The following NDE1 variants were observed in gnomAD, a reference collection of about 807,000 sequenced individuals.
NDE1 encodes the protein nudE neurodevelopment protein 1.
A neutral mutation model predicts 43.4 loss-of-function variants in NDE1; 28 were observed. That is an observed-to-expected ratio of 0.65 (90% CI 0.48 to 0.89). NDE1 has a LOEUF of 0.89. Ranked by LOEUF, NDE1 falls within the 40% of genes least tolerant of loss-of-function variation. The probability of loss-of-function intolerance (pLI) is 0.00; values close to 1 mark genes in which losing one functional copy is unlikely to be tolerated. For synonymous variants in NDE1, 184 were observed against 172.0 expected (o/e 1.07, Z -0.55); for missense variants, 441 against 434.1 (o/e 1.02, Z -0.14).
chr16:15,695,214 T>TTTTTTTTTTG (rs2038955251), intron 7 of NDE1, among the ~76,000 whole-genome samples: 1 of 147,346 alleles, frequency 6.8e-6, no homozygotes, highest in African/African-American at 2.5e-5. Flanking sequence ...TTTTTTTTTT[T>TTTTTTTTTTG]TTTTTTTTTT....
chr16:15,678,721 C>G (rs2038014034), intron 4 of NDE1, among the ~76,000 whole-genome samples: 1 of 152,192 alleles, frequency 6.6e-6, no homozygotes, highest in East Asian at 1.9e-4. Context: ...CTCAGCCAAG[C>G]AGTTTTTTTG....
chr16:15,724,511 G>A lies in NDE1; in HGVS notation c.*260G>A, dbSNP rs1250727072. ...AAGCGAAGACCATGTCTCCTCGTTGGAGAAACCCAATAGCAGGGGAAGCTG... is the reference window on the plus strand; with the variant it reads ...AAGCGAAGACCATGTCTCCTCGTTGAAGAAACCCAATAGCAGGGGAAGCTG... On this transcript the variant is annotated 3_prime_UTR_variant, in exon 9 of 9. Transcript: ENST00000396354. 6.2e-7 allele frequency: 1 copy of A among 1,607,728 alleles called. No homozygotes were observed. The highest frequency in any genetic ancestry group is 8.5e-7 in the Non-Finnish European group (1 of 1,177,632).
intron 1 of NDE1, among the ~76,000 whole-genome samples, chr16:15,653,915 A>T (rs746891524): frequency 4.0e-5 from 6 of 151,870 alleles, no homozygotes; most frequent in Non-Finnish European, 7.4e-5. Flanking sequence ...TTTTTGGTAG[A>T]GATGGGGTTT....
chr16:15,686,674 T>G (rs1359656110), intron 4 of NDE1: 2 of 403,248 alleles, frequency 5.0e-6, no homozygotes, highest in Admixed American at 1.3e-4. Context: ...CAAAAACCTG[T>G]GTCTTAAAAA....
In NDE1 at chr16:15,725,507, G is replaced by A. The variant is rs754900061; in HGVS notation, c.*1256G>A. ...AGACGCAGGCCCTAAAGGTAAAAACGTCCTCTCTGTATTCTCTGGCTTTTA... is the reference window on the plus strand; with the variant it reads ...AGACGCAGGCCCTAAAGGTAAAAACATCCTCTCTGTATTCTCTGGCTTTTA... On this transcript the variant is annotated 3_prime_UTR_variant, in exon 9 of 9. Coordinates refer to ENST00000396354, the MANE Select transcript of NDE1 (RefSeq NM_017668.3). The A allele has an allele frequency of 2.8e-5, 12 of 423,430 alleles. No homozygotes were observed. The Admixed American group carries it at 3.1e-4, about 11-fold the overall frequency. 26.2% of individuals were successfully genotyped at this position (423,430 alleles called of 1,614,324 possible). A position where few individuals can be genotyped will look rare whatever the true frequency, so the allele number is the denominator to read the frequency against.
At chr16:15,657,959 G>A (rs930277492) in intron 1 of NDE1, among the ~76,000 whole-genome samples, 5 of 152,178 alleles carry the variant, frequency 3.3e-5, no homozygotes, top group African/African-American at 1.2e-4. Flanking sequence ...CATTCATTAA[G>A]ATTCCTGCGT....
At chr16:15,723,819 A>G (rs573907018) in intron 8 of NDE1, among the ~76,000 whole-genome samples, 1 of 152,224 alleles carries the variant, frequency 6.6e-6, no homozygotes, top group Non-Finnish European at 1.5e-5. Context: ...ATTACTTGGA[A>G]TACTACTCAA....
chr16:15,712,895 T>G (rs1011591539), intron 8 of NDE1: 1 of 148,746 alleles, frequency 6.7e-6, no homozygotes, highest in Non-Finnish European at 1.5e-5. Flanking sequence ...TTTTTTTTTT[T>G]GAGACCGAGT....
chr16:15,689,591 T>A (rs2038625134), intron 5 of NDE1, among the ~76,000 whole-genome samples: 2 of 152,106 alleles, frequency 1.3e-5, no homozygotes, highest in Admixed American at 6.6e-5. Flanking sequence ...TAATAAAAAA[T>A]TTTCTTGTTT....
At chr16:15,687,596 T>G in intron 5 of NDE1, 85 bp downstream of exon 5, 3 of 1,300,508 alleles carry the variant, frequency 2.3e-6, no homozygotes, top group Non-Finnish European at 3.3e-6. Flanking sequence ...CCCAGCATTA[T>G]CTTTACAGGG....
intron 6 of NDE1, among the ~76,000 whole-genome samples, chr16:15,692,132 C>A (rs553034290): frequency 2.0e-5 from 3 of 152,084 alleles, no homozygotes; most frequent in Non-Finnish European, 4.4e-5. Flanking sequence ...AGGCCTTTTA[C>A]AGCAGATATT....
In NDE1 at chr16:15,724,320, C is replaced by T. The variant is rs1567699651; in HGVS notation, c.*69C>T. On this transcript the variant is annotated 3_prime_UTR_variant, in exon 9 of 9. Coordinates refer to ENST00000396354, the MANE Select transcript of NDE1 (RefSeq NM_017668.3). ...TCTCCTCGTACTGCTGGGTGAGGTT[C>T]TCGATCTCCTTCTGGAACCTCTTCT... is the stretch of plus-strand genomic sequence containing the variant. 7 of 1,614,174 alleles carry T rather than the reference C, an allele frequency of 4.3e-6. No homozygotes were observed. Among genetic ancestry groups the T allele is most frequent in the Non-Finnish European group, 5.9e-6 (7 of 1,180,042 alleles).
intron 4 of NDE1, among the ~76,000 whole-genome samples, chr16:15,678,331 A>C (rs537197847): frequency 6.6e-6 from 1 of 152,294 alleles, no homozygotes; most frequent in South Asian, 2.1e-4. Context: ...GCCTGTGCTA[A>C]GCCCCTAAGG....
Position 15,687,527 on chromosome 16 carries a change from T to A in NDE1, c.523+16T>A. Reference sequence around the variant, plus strand: ...GAAGCCAGAGGTCAGGAGGCCTTGGTGTCTTCACCAGCATGGTCCCCTCTC... The same window carrying A: ...GAAGCCAGAGGTCAGGAGGCCTTGGAGTCTTCACCAGCATGGTCCCCTCTC... On this transcript the variant is annotated intron_variant, in intron 5 of 8. Transcript: ENST00000396354. The A allele has an allele frequency of 6.2e-7, 1 of 1,606,932 alleles. No homozygotes were observed.
chr16:15,643,541 G>A (rs1240273132), exon 1 of NDE1: 1 of 355,880 alleles, frequency 2.8e-6, no homozygotes. Flanking sequence ...ATTTGAACGG[G>A]ATTTCAATGA....
intron 8 of NDE1, chr16:15,703,408 C>T: frequency 4.2e-6 from 1 of 239,392 alleles, no homozygotes; most frequent in Non-Finnish European, 8.3e-6. Flanking sequence ...GTGACTTTCT[C>T]CCCATTTCAT....
intron 7 of NDE1, 64 bp downstream of exon 7, chr16:15,694,320 G>T (rs763785685): frequency 6.3e-7 from 1 of 1,586,108 alleles, no homozygotes; most frequent in Non-Finnish European, 8.6e-7. Context: ...TGTGAAGGGG[G>T]TTGATCTAGT....
At chr16:15,695,640 G>A in intron 7 of NDE1, 1 of 985,218 alleles carries the variant, frequency 1.0e-6, no homozygotes, top group South Asian at 4.7e-5. Flanking sequence ...ATGATGCCTA[G>A]AAGGCCACAT....
Position 15,726,336 on chromosome 16 carries a change from A to G in NDE1, c.*2085A>G, listed in dbSNP as rs1490199720. On this transcript the variant is annotated 3_prime_UTR_variant, in exon 9 of 9. Transcript: ENST00000396354. ...GGCATACAGCAGGTGCTCAATAAAT[A>G]CTTATCAAATTGGAAAAGGAAGGGT... is the stretch of plus-strand genomic sequence containing the variant. 5.8e-6 allele frequency: 1 copy of G among 173,634 alleles called. No homozygotes were observed. Among genetic ancestry groups the G allele is most frequent in the Non-Finnish European group, 1.2e-5 (1 of 80,656 alleles). The allele number at this position is 173,634 out of a possible 1,614,324, so 10.8% of individuals were successfully genotyped here.
Sources: allele counts gnomAD v4.1 joint callset (sites outside exome capture counted in the v4.1 genomes callset), GRCh38; gene constraint gnomAD v4.1.1; transcripts MANE v1.5; gene names NCBI Gene and HGNC (gene_info 2026-07-23, HGNC 2026-07-21).